The following SNX24 variants were observed in gnomAD, a reference collection of about 807,000 sequenced individuals.
SNX24 encodes the protein sorting nexin-24.
A neutral mutation model predicts 28.7 loss-of-function variants in SNX24; 22 were observed. That is an observed-to-expected ratio of 0.77 (90% CI 0.55 to 1.10). The LOEUF is 1.10. SNX24 is among the 50% of genes least tolerant of loss of function. SNX24 has a pLI of 0.00. For missense variants in SNX24, 221 were observed against 201.1 expected (o/e 1.10, Z -0.60); for synonymous variants, 69 against 71.5 (o/e 0.96, Z 0.18).
intron 5 of SNX24, among the ~76,000 whole-genome samples, chr5:123,021,091 G>A (rs1274676986): frequency 7.1e-6 from 1 of 140,796 alleles, no homozygotes; most frequent in Non-Finnish European, 1.5e-5. Flanking sequence ...TATCCTCTCT[G>A]CCTCCACACA....
chr5:122,921,357 G>A (rs899446701), intron 1 of SNX24, among the ~76,000 whole-genome samples: 6 of 152,162 alleles, frequency 3.9e-5, no homozygotes, highest in African/African-American at 1.2e-4. Flanking sequence ...CACCTAGAGA[G>A]CAAATATTTG....
At chr5:122,885,369 C>T (rs1756659206) in intron 1 of SNX24, among the ~76,000 whole-genome samples, 1 of 152,142 alleles carries the variant, frequency 6.6e-6, no homozygotes, top group Non-Finnish European at 1.5e-5. Context: ...GTTCAATGCC[C>T]CAGGCCCCTC....
intron 1 of SNX24, among the ~76,000 whole-genome samples, chr5:122,857,014 C>T (rs1755224074): frequency 6.6e-6 from 1 of 151,522 alleles, no homozygotes; most frequent in Admixed American, 6.6e-5. Context: ...TTGCATTTTT[C>T]TTTCTTTTTT....
intron 1 of SNX24, chr5:122,853,659 ATT>A (rs1185564275): frequency 2.7e-6 from 1 of 369,726 alleles, no homozygotes; most frequent in Non-Finnish European, 5.5e-6. Context: ...ATTTTAAAAA[ATT>A]TTTTTCGTAC....
intron 1 of SNX24, among the ~76,000 whole-genome samples, chr5:122,877,795 C>A (rs1756298437): frequency 6.6e-6 from 1 of 152,030 alleles, no homozygotes; most frequent in Non-Finnish European, 1.5e-5. Context: ...TTTGATTCTG[C>A]CTGAGTTTGC....
intron 5 of SNX24, among the ~76,000 whole-genome samples, chr5:123,014,439 C>T (rs1762647107): frequency 6.7e-6 from 1 of 150,228 alleles, no homozygotes; most frequent in Admixed American, 6.7e-5. Flanking sequence ...ATCTCAGCCT[C>T]CCAAAGTGCT....
At chr5:122,872,687 T>C (rs1756036070) in intron 1 of SNX24, among the ~76,000 whole-genome samples, 1 of 152,192 alleles carries the variant, frequency 6.6e-6, no homozygotes, top group Non-Finnish European at 1.5e-5. Flanking sequence ...TGGGGAATAA[T>C]GAACAAAAGA....
chr5:122,913,548 G>A (rs1444605636), intron 1 of SNX24, among the ~76,000 whole-genome samples: 1 of 151,920 alleles, frequency 6.6e-6, no homozygotes, highest in Non-Finnish European at 1.5e-5. Context: ...TCTCAGACAG[G>A]GCGGCTGCTG....
intron 1 of SNX24, among the ~76,000 whole-genome samples, chr5:122,890,103 A>G (rs1264604794): frequency 6.6e-6 from 1 of 152,062 alleles, no homozygotes; most frequent in African/African-American, 2.4e-5. Context: ...GCTTCGTCTG[A>G]TGGTTCCTTA....
intron 1 of SNX24, among the ~76,000 whole-genome samples, chr5:122,861,731 G>A (rs1396480880): frequency 1.3e-5 from 2 of 151,700 alleles, no homozygotes; most frequent in Non-Finnish European, 2.9e-5. Flanking sequence ...TTTTTGAGGA[G>A]AGTGAGTTGG....
At chr5:122,852,829 G>C (rs1199514653) in intron 1 of SNX24, among the ~76,000 whole-genome samples, 1 of 152,144 alleles carries the variant, frequency 6.6e-6, no homozygotes, top group East Asian at 1.9e-4. Context: ...TAACCAGATG[G>C]AGTTAAAATA....
chr5:122,913,753 G>A (rs1758026488), intron 1 of SNX24, among the ~76,000 whole-genome samples: 1 of 152,182 alleles, frequency 6.6e-6, no homozygotes, highest in Non-Finnish European at 1.5e-5. Flanking sequence ...GGAGGCCAAG[G>A]CAGGCGGCTG....
intron 1 of SNX24, among the ~76,000 whole-genome samples, chr5:122,871,391 G>T (rs934510191): frequency 6.6e-6 from 1 of 152,182 alleles, no homozygotes; most frequent in Non-Finnish European, 1.5e-5. Flanking sequence ...CATCAGCTTT[G>T]TTTTAAAGCT....
intron 6 of SNX24, among the ~76,000 whole-genome samples, chr5:123,006,620 TC>T (rs1762429563): frequency 6.6e-6 from 1 of 152,222 alleles, no homozygotes; most frequent in South Asian, 2.1e-4. Context: ...AAGCCCAAAC[TC>T]CTATCCATTC....
intron 5 of SNX24, chr5:123,022,895 C>T (rs1762783324): frequency 6.6e-6 from 1 of 152,460 alleles, no homozygotes; most frequent in Non-Finnish European, 1.5e-5. Flanking sequence ...CCTTGATCTC[C>T]TGGACTCAAG....
intron 5 of SNX24, chr5:123,028,996 G>T: frequency 1.1e-6 from 1 of 881,272 alleles, no homozygotes. Context: ...TTCTATCCCA[G>T]CTATGGTTTA....
chr5:122,876,689 T>A (rs1756237635), intron 1 of SNX24, among the ~76,000 whole-genome samples: 1 of 152,198 alleles, frequency 6.6e-6, no homozygotes, highest in South Asian at 2.1e-4. Flanking sequence ...TACTTGTTGA[T>A]CTATAATGAA....
intron 3 of SNX24, among the ~76,000 whole-genome samples, chr5:122,989,524 G>T (rs151254636): frequency 3.3e-5 from 5 of 151,944 alleles, no homozygotes; most frequent in East Asian, 3.9e-4. Flanking sequence ...GGGACCGGGT[G>T]GGGGGGCGGG....
intron 3 of SNX24, among the ~76,000 whole-genome samples, chr5:122,948,401 G>A (rs1759785477): frequency 6.6e-6 from 1 of 152,106 alleles, no homozygotes; most frequent in Non-Finnish European, 1.5e-5. Context: ...AACCTGTCTT[G>A]GTAAGGGCCA....
Sources: gnomAD v4.1 joint callset for allele counts (sites outside exome capture counted in the v4.1 genomes callset) on GRCh38, gnomAD v4.1.1 for gene constraint, MANE v1.5 for transcripts, NCBI Gene and HGNC (gene_info 2026-07-23, HGNC 2026-07-21) for gene names.